Variants in SLC5A4 observed in about 807,000 individuals in gnomAD.
SLC5A4 encodes solute carrier family 5 member 4, also known as probable glucose sensor protein SLC5A4.
Under a neutral mutation model 70.3 loss-of-function variants are expected in SLC5A4, and 55 were observed. The observed-to-expected ratio is 0.78, with a 90% CI of 0.63 to 0.98. The LOEUF (loss-of-function observed/expected upper bound fraction) is 0.98. SLC5A4 is among the 50% of genes least tolerant of loss of function. SLC5A4 has a pLI of 0.00. For synonymous variants in SLC5A4, 268 were observed against 305.7 expected (o/e 0.88, Z 1.29); for missense variants, 735 against 839.2 (o/e 0.88, Z 1.53).
chr22:32,229,468 C>A, intron 10 of SLC5A4, 124 bp from the exon 11 acceptor site: 1 of 953,046 alleles, frequency 1.0e-6, no homozygotes, highest in Non-Finnish European at 1.5e-6. Flanking sequence ...TATCAATACA[C>A]ATCAGCATGT....
At chr22:32,350,289 C>G in the SLC5A4 span, among the ~76,000 whole-genome samples, 20,841 of 152,174 alleles carry the variant, frequency 0.14, 1,661 homozygotes, top group African/African-American at 0.21. Flanking sequence ...GGAAGTGCCA[C>G]GCAGTTTAAA....
At chr22:32,322,606 A>G in the SLC5A4 span, among the ~76,000 whole-genome samples, 500 of 144,148 alleles carry the variant, frequency 3.5e-3, 5 homozygotes, top group African/African-American at 0.012. Context: ...AAATTATTGG[A>G]AAAAAAAAAA....
the SLC5A4 span, among the ~76,000 whole-genome samples, chr22:32,286,744 G>T: frequency 6.6e-6 from 1 of 152,192 alleles, no homozygotes; most frequent in Non-Finnish European, 1.5e-5. Context: ...GAAGGCTATT[G>T]TAAGCATATC....
upstream of SLC5A4, among the ~76,000 whole-genome samples, chr22:32,257,921 T>C (rs570692829): frequency 1.3e-5 from 2 of 150,510 alleles, no homozygotes; most frequent in East Asian, 2.0e-4. Flanking sequence ...TCTCCCGCCT[T>C]GGCCTCCCAA....
the SLC5A4 span, chr22:32,272,590 C>T: frequency 9.6e-6 from 6 of 621,940 alleles, no homozygotes; most frequent in African/African-American, 1.8e-5. Context: ...GTAGACAACA[C>T]CCAGCTGGGT....
At chr22:32,339,700 G>A in the SLC5A4 span, among the ~76,000 whole-genome samples, 2 of 152,142 alleles carry the variant, frequency 1.3e-5, no homozygotes, top group African/African-American at 4.8e-5. Context: ...ATGGTGCAGG[G>A]GAAAAGACAA....
chr22:32,239,549 TATATA>T lies in SLC5A4; in HGVS notation c.478-464_478-460del, dbSNP rs1569374806. Among the ~76,000 whole-genome samples, 19 of 13,896 alleles carry T rather than the reference TATATA, an allele frequency of 1.4e-3. 2 individuals are homozygous for T. Among genetic ancestry groups the T allele is most frequent in the East Asian group, 0.013 (11 of 834 alleles). 9.1% of individuals were successfully genotyped at this position (13,896 alleles called of 152,430 possible). On this transcript the variant is annotated intron_variant, in intron 5 of 14. Coordinates refer to ENST00000266086, the MANE Select transcript of SLC5A4 (RefSeq NM_014227.3). ...ATATATATATATATATATATATATA[TATATA>T]TATATATATATATATTTATATATAT... is the stretch of plus-strand genomic sequence containing the variant.
intron 5 of SLC5A4, among the ~76,000 whole-genome samples, chr22:32,243,990 G>C (rs541859838): frequency 6.6e-6 from 1 of 152,222 alleles, no homozygotes; most frequent in Admixed American, 6.5e-5. Context: ...CTCTGTCTCT[G>C]TTTCTGTGTT....
At chr22:32,271,192 C>A in the SLC5A4 span, 1 of 733,258 alleles carries the variant, frequency 1.4e-6, no homozygotes, top group Non-Finnish European at 2.4e-6. Context: ...GGTGACCTGC[C>A]AGCTCCCCGA....
chr22:32,241,104 C>A (rs1376225604), intron 5 of SLC5A4, among the ~76,000 whole-genome samples: 1 of 152,222 alleles, frequency 6.6e-6, no homozygotes, highest in Non-Finnish European at 1.5e-5. Flanking sequence ...GCAGCAAGAT[C>A]TGGGAGGAGG....
chr22:32,231,277 T>C (rs9619254), intron 9 of SLC5A4, among the ~76,000 whole-genome samples: 25,145 of 152,178 alleles, frequency 0.17, 2,370 homozygotes, highest in African/African-American at 0.23. Context: ...CCATAGCCCC[T>C]TGCACTGACC....
intron 6 of SLC5A4, among the ~76,000 whole-genome samples, 166 bp downstream of exon 6, chr22:32,238,819 T>C (rs1020935602): frequency 1.3e-5 from 2 of 152,162 alleles, no homozygotes; most frequent in African/African-American, 4.8e-5. Flanking sequence ...GATTCTGTGT[T>C]GTATGGTCTA....
At chr22:32,348,930 T>C in the SLC5A4 span, among the ~76,000 whole-genome samples, 3 of 152,206 alleles carry the variant, frequency 2.0e-5, no homozygotes, top group Middle Eastern at 3.2e-3. Context: ...TTATTTTCTT[T>C]CAGCTAAAAA....
the SLC5A4 span, among the ~76,000 whole-genome samples, chr22:32,283,578 AC>A: frequency 1.3e-5 from 2 of 152,200 alleles, no homozygotes; most frequent in African/African-American, 4.8e-5. Flanking sequence ...TACCTATTTG[AC>A]ACCCCTGAAC....
the SLC5A4 span, among the ~76,000 whole-genome samples, chr22:32,323,254 C>G: frequency 6.6e-6 from 1 of 152,166 alleles, no homozygotes; most frequent in Non-Finnish European, 1.5e-5. Flanking sequence ...CTCCTCACCC[C>G]CTCCCCTGCA....
the SLC5A4 span, among the ~76,000 whole-genome samples, chr22:32,339,578 CCCT>C: frequency 6.6e-6 from 1 of 152,028 alleles, no homozygotes; most frequent in African/African-American, 2.4e-5. Flanking sequence ...TTCCGCCGGG[CCCT>C]CCTCTTGTGG....
chr22:32,319,116 C>A, the SLC5A4 span, among the ~76,000 whole-genome samples: 1 of 152,202 alleles, frequency 6.6e-6, no homozygotes, highest in Non-Finnish European at 1.5e-5. Flanking sequence ...CGTTCTTCTC[C>A]TCCCTTTAGA....
At chr22:32,229,014 G>T (rs2123882883) in intron 11 of SLC5A4, among the ~76,000 whole-genome samples, 180 bp downstream of exon 11, 1 of 152,284 alleles carries the variant, frequency 6.6e-6, no homozygotes, top group Non-Finnish European at 1.5e-5. Flanking sequence ...TCATTTAAAG[G>T]TATGGTTCAA....
At chr22:32,314,917 T>A in the SLC5A4 span, among the ~76,000 whole-genome samples, 1 of 152,178 alleles carries the variant, frequency 6.6e-6, no homozygotes, top group South Asian at 2.1e-4. Context: ...CTTGCCCCCA[T>A]GATTCAATTA....
Sources: allele counts gnomAD v4.1 joint callset (sites outside exome capture counted in the v4.1 genomes callset), GRCh38; gene constraint gnomAD v4.1.1; transcripts MANE v1.5; gene names NCBI Gene and HGNC (gene_info 2026-07-23, HGNC 2026-07-21).